Variants in GPANK1 observed in about 807,000 individuals in gnomAD.
GPANK1 encodes G-patch domain and ankyrin repeats 1.
GPANK1 carries 22 observed loss-of-function variants against 24.0 expected under a neutral mutation model. The observed-to-expected ratio is 0.92, with a 90% confidence interval of 0.66 to 1.31. GPANK1 has a LOEUF of 1.31. GPANK1 is among the 50% of genes most tolerant of loss of function. The probability of loss-of-function intolerance (pLI) is 0.00; values close to 1 mark genes in which losing one functional copy is unlikely to be tolerated. For missense variants in GPANK1, 469 were observed against 453.5 expected (o/e 1.03, Z -0.31); for synonymous variants, 174 against 177.4 (o/e 0.98, Z 0.15).
rs1800940350 is a variant in GPANK1, at chr6:31,662,149, G to A, written c.*117C>T. On this transcript the variant is annotated 3_prime_UTR_variant, in exon 3 of 3. Transcript: ENST00000375896. This position sits in a 1 kb window ranked among gnomAD's most constrained non-coding sequence, Gnocchi z 5.5. ...GTCTCTCACGAAGACAGAGCCTATT[G>A]ACCAAAAACTTCAGGATCTGCATCT... The A allele has an allele frequency of 3.3e-6, 2 of 598,122 alleles. No individual in the cohort carries two copies. Among genetic ancestry groups the A allele is most frequent in the Non-Finnish European group, 5.9e-6 (2 of 340,078 alleles). The allele number at this position is 598,122 out of a possible 1,614,324, so 37.1% of individuals were successfully genotyped here.
In GPANK1 at chr6:31,662,373, T is replaced by C. The variant is rs763490233; in HGVS notation, c.964A>G (p.Arg322Gly). ...CTCAGTGTGGCCACCCGAGGGGGTCTCTCCCTCCCAGCCACAGCTCGGGTA... is the reference window on the plus strand; with the variant it reads ...CTCAGTGTGGCCACCCGAGGGGGTCCCTCCCTCCCAGCCACAGCTCGGGTA... ...WDTRAVAGRERPPRVATLSWR... is the reference protein window; with the variant it reads ...WDTRAVAGREGPPRVATLSWR... The change falls in exon 3 of 3, where the codon AGA (arginine) becomes GGA (glycine). Residue 322 changes from arginine (R) to glycine (G), a missense_variant. Transcript: ENST00000375896. The surrounding 1 kb of genome is among the most constrained non-coding windows in gnomAD (Gnocchi z 5.5). The C allele has an allele frequency of 5.6e-6, 9 of 1,612,264 alleles. No homozygotes were observed. Among genetic ancestry groups the C allele is most frequent in the Non-Finnish European group, 7.6e-6 (9 of 1,179,558 alleles).
chr6:31,664,524 G>GACA lies in GPANK1; in HGVS notation c.-47_-46insTGT, dbSNP rs1801375487. On this transcript the variant is annotated 5_prime_UTR_variant, in exon 2 of 3. Coordinates refer to ENST00000375896, the MANE Select transcript of GPANK1 (RefSeq NM_033177.4). ...AAATGATACCAGGCAAGGGAAGGAT[G>GACA]AGACAAGTAAGCCAAGCTCGTGGTG... is the stretch of plus-strand genomic sequence containing the variant. 2.7e-6 allele frequency: 4 copies of GACA among 1,497,932 alleles called. No homozygotes were observed. Among genetic ancestry groups the GACA allele is most frequent in the Non-Finnish European group, 3.7e-6 (4 of 1,092,292 alleles). The allele number at this position is 1,497,932 out of a possible 1,614,324, so 92.8% of individuals were successfully genotyped here. A position where few individuals can be genotyped will look rare whatever the true frequency, so the allele number is the denominator to read the frequency against.
upstream of GPANK1, chr6:31,665,340 G>C: frequency 2.7e-6 from 3 of 1,097,046 alleles, no homozygotes; most frequent in African/African-American, 3.1e-5. Flanking sequence ...AGGAGGCGGA[G>C]GGAAACCTGT....
At chr6:31,663,738 T>A (rs1373194494) in intron 2 of GPANK1, 115 bp downstream of exon 2, 2 of 1,456,202 alleles carry the variant, frequency 1.4e-6, no homozygotes, top group African/African-American at 2.8e-5. Flanking sequence ...CCTGTCAACC[T>A]ACACATGAGG....
upstream of GPANK1, chr6:31,665,916 C>T (rs1801625216): frequency 9.3e-7 from 1 of 1,076,948 alleles, no homozygotes; most frequent in African/African-American, 1.6e-5. Flanking sequence ...CGCCCTCCTC[C>T]GGGCCTTCGT....
chr6:31,663,750 T>C (rs905389307), intron 2 of GPANK1, 103 bp downstream of exon 2: 27 of 1,477,718 alleles, frequency 1.8e-5, no homozygotes, highest in African/African-American at 2.8e-5. Flanking sequence ...CACATGAGGA[T>C]AAGGAAAGAA....
In GPANK1 at chr6:31,664,474, G is replaced by C. The variant is rs781394964; in HGVS notation, c.5C>G (p.Ser2Cys). 3 of 1,606,980 alleles carry C rather than the reference G, an allele frequency of 1.9e-6. No individual in the cohort carries two copies. The highest frequency in any genetic ancestry group is 2.6e-6 in the Non-Finnish European group (3 of 1,175,958). Residue 2 changes from serine to cysteine, a missense_variant, in exon 2 of 3, where the codon TCC becomes TGC. Transcript: ENST00000375896. ...GGTGAAGGTGATGAGCAAGGGCCGG[G>C]ACATGGCTTTTGGGAGAACTGAGAA... The part of the protein sequence containing the change: M[S>C]RPLLITFTPA...
In GPANK1 at chr6:31,662,849, G is replaced by A; in HGVS notation, c.627-139C>T. ...AACAAATTGCCAGCTAGGCATAGTGGCTCACGCCTGTAATCCCAACACTTT... is the reference window on the plus strand; with the variant it reads ...AACAAATTGCCAGCTAGGCATAGTGACTCACGCCTGTAATCCCAACACTTT... On this transcript the variant is annotated intron_variant, in intron 2 of 2. Coordinates refer to ENST00000375896, the MANE Select transcript of GPANK1 (RefSeq NM_033177.4). The surrounding 1 kb of genome is among the most constrained non-coding windows in gnomAD (Gnocchi z 5.5). The A allele has an allele frequency of 1.8e-6, 1 of 569,514 alleles. No individual in the cohort carries two copies. 35.3% of individuals were successfully genotyped at this position (569,514 alleles called of 1,614,324 possible). A position where few individuals can be genotyped will look rare whatever the true frequency, so the allele number is the denominator to read the frequency against.
At position 31,661,228 on chromosome 6, in the gene GPANK1, T is replaced by C. The variant is rs1239976820; in HGVS notation, c.*1038A>G. On this transcript the variant is annotated 3_prime_UTR_variant, in exon 3 of 3. Coordinates refer to ENST00000375896, the MANE Select transcript of GPANK1 (RefSeq NM_033177.4). ...TGTGGGAAAGAAAAGTGTAGACAAA[T>C]GGGTGGAACAAAGAAGTTTAAAGTT... 6.9e-6 allele frequency: 1 copy of C among 143,932 alleles called. No individual in the cohort carries two copies. The allele number at this position is 143,932 out of a possible 1,614,324, so 8.9% of individuals were successfully genotyped here. A position where few individuals can be genotyped will look rare whatever the true frequency, so the allele number is the denominator to read the frequency against.
At position 31,664,356 on chromosome 6, in the gene GPANK1, T is replaced by A; in HGVS notation, c.123A>T (p.Arg41=). ...CCCCAATCAGGGCCTCATAGAAAGC[T>A]CGGGCTGCAGCCCCATCCAGGGTGG... The part of the protein sequence containing the change: ...PESTLDGAAA[R]AFYEALIGDE... Residue 41 remains arginine (R), a synonymous_variant, in exon 2 of 3, where the codon CGA becomes CGT. Coordinates refer to ENST00000375896, the MANE Select transcript of GPANK1 (RefSeq NM_033177.4). The A allele has an allele frequency of 6.2e-7, 1 of 1,614,194 alleles. No homozygotes were observed. The highest frequency in any genetic ancestry group is 8.5e-7 in the Non-Finnish European group (1 of 1,180,030).
At position 31,664,082 on chromosome 6, in the gene GPANK1, C is replaced by G. The variant is rs1029492553; in HGVS notation, c.397G>C (p.Gly133Arg). ...GCATCCCGGGCGTTGATATTCCCCC[C>G]AGCTCCTCCTGCCTCATGCGGTTCC... is the stretch of plus-strand genomic sequence containing the variant. The part of the protein sequence containing the change: ...LLEPHEAGGA[G>R]GNINARDAFW... Residue 133 changes from glycine to arginine, a missense_variant, in exon 2 of 3, where the codon GGG becomes CGG. Coordinates refer to ENST00000375896, the MANE Select transcript of GPANK1 (RefSeq NM_033177.4). The G allele has an allele frequency of 6.2e-7, 1 of 1,614,108 alleles. No homozygotes were observed. Among genetic ancestry groups the G allele is most frequent in the African/African-American group, 1.3e-5 (1 of 74,936 alleles).
upstream of GPANK1, chr6:31,665,453 G>A (rs747983097): frequency 8.9e-6 from 14 of 1,568,906 alleles, no homozygotes; most frequent in African/African-American, 5.4e-5. Context: ...GGGAAATGGA[G>A]AAGTGCAAAG....
chr6:31,664,118 T>C lies in GPANK1; in HGVS notation c.361A>G (p.Arg121Gly). ...AAQEGDLPEL[R>G]RLLEPHEAGG... Reference sequence around the variant, plus strand: ...GCCTCATGCGGTTCCAGCAGTCTCCTAAGTTCTGGCAGGTCCCCCTCCTGG... The same window carrying C: ...GCCTCATGCGGTTCCAGCAGTCTCCCAAGTTCTGGCAGGTCCCCCTCCTGG... The change falls in exon 2 of 3, where the codon AGG becomes GGG. Residue 121 changes from arginine (R) to glycine (G), a missense_variant. Transcript: ENST00000375896. 1 of 1,614,130 alleles carries C rather than the reference T, an allele frequency of 6.2e-7. No individual in the cohort carries two copies. Among genetic ancestry groups the C allele is most frequent in the Non-Finnish European group, 8.5e-7 (1 of 1,179,930 alleles).
At position 31,662,441 on chromosome 6, in the gene GPANK1, C is replaced by G. The variant is rs567379061; in HGVS notation, c.896G>C (p.Arg299Thr). The change falls in exon 3 of 3, where the codon AGA becomes ACA. Residue 299 changes from arginine (R) to threonine (T), a missense_variant. Coordinates refer to ENST00000375896, the MANE Select transcript of GPANK1 (RefSeq NM_033177.4). This position sits in a 1 kb window ranked among gnomAD's most constrained non-coding sequence, Gnocchi z 5.5. ...TGTCACTCGGGGCTGGGGTGCTGAT[C>G]TGTAGCCTAGTCCTTCCTGGTCCCT... ...LKRDQEGLGY[R>T]SAPQPRVTHF... The G allele has an allele frequency of 3.8e-5, 62 of 1,612,136 alleles. No homozygotes were observed. Among genetic ancestry groups the G allele is most frequent in the Non-Finnish European group, 5.2e-5 (61 of 1,179,526 alleles).
At position 31,662,255 on chromosome 6, in the gene GPANK1, C is replaced by T. The variant is rs1407087603; in HGVS notation, c.*11G>A. On this transcript the variant is annotated 3_prime_UTR_variant, in exon 3 of 3. Transcript: ENST00000375896. The surrounding 1 kb of genome is among the most constrained non-coding windows in gnomAD (Gnocchi z 5.5). ...ACTTCAGCAGCAGACTAGGGTCAGA[C>T]TTTACCAAAGTCAGAACTCGAGGTT... The T allele has an allele frequency of 6.6e-7, 1 of 1,523,014 alleles. No homozygotes were observed. Among genetic ancestry groups the T allele is most frequent in the Non-Finnish European group, 8.9e-7 (1 of 1,129,732 alleles). 94.3% of individuals were successfully genotyped at this position (1,523,014 alleles called of 1,614,324 possible).
chr6:31,665,716 G>A (rs892367765), upstream of GPANK1: 22 of 830,292 alleles, frequency 2.6e-5, 1 homozygote, highest in African/African-American at 2.6e-4. Context: ...GGGCAGCAGC[G>A]CCGCGCCGGG....
Position 31,662,210 on chromosome 6 carries a change from G to T in GPANK1, c.*56C>A. 3 of 1,254,482 alleles carry T rather than the reference G, an allele frequency of 2.4e-6. No homozygotes were observed. Among genetic ancestry groups the T allele is most frequent in the Non-Finnish European group, 3.3e-6 (3 of 901,150 alleles). The allele number at this position is 1,254,482 out of a possible 1,614,324, so 77.7% of individuals were successfully genotyped here. On this transcript the variant is annotated 3_prime_UTR_variant, in exon 3 of 3. Coordinates refer to ENST00000375896, the MANE Select transcript of GPANK1 (RefSeq NM_033177.4). This position sits in a 1 kb window ranked among gnomAD's most constrained non-coding sequence, Gnocchi z 5.5. ...CAGGAAGGGGAAGTCAAAGGGCCCA[G>T]GTCAGAGGCCCAAGTTCAGACTTCA...
chr6:31,664,422 C>T lies in GPANK1; in HGVS notation c.57G>A (p.Trp19Ter). Reference sequence around the variant, plus strand: ...GCTGTGGCTGCTGCTGCCCATCCTTCCAGAGGTCGCTGGGGTCAGTGGCTG... The same window carrying T: ...GCTGTGGCTGCTGCTGCCCATCCTTTCAGAGGTCGCTGGGGTCAGTGGCTG... ...FTPATDPSDL[W>*]KDGQQQPQPE... The change falls in exon 2 of 3, where the codon TGG becomes TGA. Residue 19 changes from tryptophan to a stop codon, truncating the protein, a stop_gained. Transcript: ENST00000375896. LOFTEE classifies it high-confidence loss of function. The T allele has an allele frequency of 6.2e-7, 1 of 1,614,106 alleles. No homozygotes were observed. The highest frequency in any genetic ancestry group is 8.5e-7 in the Non-Finnish European group (1 of 1,180,010).
At chr6:31,665,921 CT>C (rs1252913887), upstream of GPANK1, 8 of 1,073,698 alleles carry the variant, frequency 7.5e-6, no homozygotes, top group Non-Finnish European at 9.1e-6. Flanking sequence ...TCCTCCGGGC[CT>C]TCGTGACAGC....
Sources: gnomAD v4.1 joint callset for allele counts on GRCh38, gnomAD v4.1.1 for gene constraint, Gnocchi (gnomAD v3.1) non-coding constraint, MANE v1.5 for transcripts, NCBI Gene and HGNC (gene_info 2026-07-23, HGNC 2026-07-21) for gene names.